Variants in SLC17A5 observed in about 807,000 individuals in gnomAD.
SLC17A5 encodes the protein solute carrier family 17 member 5, also known as sialin.
A neutral mutation model predicts 59.4 loss-of-function variants in SLC17A5; 47 were observed. That is an observed-to-expected ratio of 0.79 (90% CI 0.63 to 1.01). The LOEUF (loss-of-function observed/expected upper bound fraction) is 1.01, where lower values mean the gene tolerates loss of function less well. Among genes scored for constraint, SLC17A5 ranks in the 50% least tolerant of loss-of-function variants. SLC17A5 has a pLI of 0.00. For missense variants in SLC17A5, 522 were observed against 595.5 expected, an observed-to-expected ratio of 0.88 and a Z score of 1.28; for synonymous variants, 202 against 210.7, an observed-to-expected ratio of 0.96 and a Z score of 0.36.
intron 1 of SLC17A5, among the ~76,000 whole-genome samples, chr6:73,651,125 G>T (rs1305468425): frequency 6.6e-6 from 1 of 152,174 alleles, no homozygotes; most frequent in Non-Finnish European, 1.5e-5. Context: ...CATTTGGAAG[G>T]TATGGACATT....
intron 10 of SLC17A5, among the ~76,000 whole-genome samples, chr6:73,595,980 A>T (rs868236269): frequency 8.1e-6 from 1 of 123,956 alleles, no homozygotes; most frequent in Non-Finnish European, 1.7e-5. Flanking sequence ...ATATATATAT[A>T]TTTTTGGTAG....
At chr6:73,649,941 AGTGT>A (rs896864344) in intron 1 of SLC17A5, among the ~76,000 whole-genome samples, 1 of 152,184 alleles carries the variant, frequency 6.6e-6, no homozygotes, top group Non-Finnish European at 1.5e-5. Flanking sequence ...AATCTGCCCT[AGTGT>A]GTAACTTCAT....
chr6:73,642,282 C>A (rs531246147), intron 2 of SLC17A5, among the ~76,000 whole-genome samples: 1 of 152,132 alleles, frequency 6.6e-6, no homozygotes, highest in East Asian at 1.9e-4. Context: ...GCTGCCGCCC[C>A]CCCGGCCCTG....
At position 73,653,920 on chromosome 6, in the gene SLC17A5, G is replaced by T. The variant is rs753337058; in HGVS notation, c.-34C>A. On this transcript the variant is annotated 5_prime_UTR_variant, in exon 1 of 11. Transcript: ENST00000355773. ...CGTGAGCAGGTGTACTCGCCACCTG[G>T]CAGAGAAGGGAGCGCCGGCCCGACA... 2 of 1,551,414 alleles carry T rather than the reference G, an allele frequency of 1.3e-6. No individual in the cohort carries two copies. Among genetic ancestry groups the T allele is most frequent in the Non-Finnish European group, 1.8e-6 (2 of 1,139,342 alleles).
In SLC17A5 at chr6:73,601,196, C is replaced by T. The variant is rs375796780; in HGVS notation, c.1260-755G>A. On this transcript the variant is annotated intron_variant, in intron 9 of 10. Transcript: ENST00000355773. ...TGTGGGGAGCGCCTCTGCCCCGCCG[C>T]CCCGTCTGGGATGTGAGGAGCGCCT... 2.3e-3 allele frequency among the ~76,000 whole-genome samples: 351 copies of T among 149,684 alleles called. 1 individual carries two copies. Among genetic ancestry groups the T allele is most frequent in the African/African-American group, 8.1e-3 (326 of 40,430 alleles).
At chr6:73,636,808 C>T in intron 4 of SLC17A5, 101 bp from the exon 5 acceptor site, 4 of 870,166 alleles carry the variant, frequency 4.6e-6, no homozygotes, top group Middle Eastern at 2.2e-4. Context: ...AGGCTGGGCA[C>T]AGTGGCTCAT....
chr6:73,607,349 A>T (rs188752077), intron 9 of SLC17A5, among the ~76,000 whole-genome samples: 2 of 149,860 alleles, frequency 1.3e-5, no homozygotes, highest in Non-Finnish European at 3.0e-5. Context: ...GCTCACTGCA[A>T]CCTCCACCTC....
At chr6:73,602,563 A>C (rs1471819048) in intron 9 of SLC17A5, among the ~76,000 whole-genome samples, 13 of 152,168 alleles carry the variant, frequency 8.5e-5, no homozygotes, top group Non-Finnish European at 1.8e-4. Context: ...TCACGAGGTC[A>C]GGAGATCGAG....
chr6:73,633,867 G>T (rs899657674), intron 6 of SLC17A5, among the ~76,000 whole-genome samples: 2 of 150,236 alleles, frequency 1.3e-5, no homozygotes, highest in African/African-American at 4.9e-5. Flanking sequence ...GTGAGAGAGC[G>T]AAACTCCGTC....
chr6:73,622,413 T>C (rs1476989663), intron 6 of SLC17A5, among the ~76,000 whole-genome samples: 1 of 152,060 alleles, frequency 6.6e-6, no homozygotes, highest in Non-Finnish European at 1.5e-5. Flanking sequence ...GTGATTCTCC[T>C]GCCTCAGCCT....
At chr6:73,619,218 C>A (rs76459094) in intron 7 of SLC17A5, among the ~76,000 whole-genome samples, 2,192 of 152,224 alleles carry the variant, frequency 0.014, 65 homozygotes, top group African/African-American at 0.05. Context: ...CTTCAAAGAT[C>A]AAGAGCCCTG....
intron 4 of SLC17A5, 119 bp downstream of exon 4, chr6:73,638,293 T>C (rs1474723298): frequency 5.4e-6 from 4 of 734,388 alleles, no homozygotes; most frequent in Middle Eastern, 2.5e-4. Context: ...CGAAACTTAA[T>C]GTTCTCCCCA....
intron 6 of SLC17A5, among the ~76,000 whole-genome samples, chr6:73,634,175 G>A (rs926463084): frequency 6.6e-6 from 1 of 152,054 alleles, no homozygotes; most frequent in Non-Finnish European, 1.5e-5. Flanking sequence ...GTTTTAATAA[G>A]ATATAAACTT....
chr6:73,601,761 C>T (rs1372894912), intron 9 of SLC17A5, among the ~76,000 whole-genome samples: 4 of 138,714 alleles, frequency 2.9e-5, no homozygotes, highest in Admixed American at 1.4e-4. Context: ...GCCGCCCCTA[C>T]TGAGAAGTGA....
intron 10 of SLC17A5, among the ~76,000 whole-genome samples, chr6:73,600,121 G>T (rs1007771942): frequency 1.3e-5 from 2 of 152,070 alleles, no homozygotes; most frequent in Admixed American, 6.6e-5. Context: ...CTACTTGTGT[G>T]GTTTCAGCTA....
chr6:73,648,548 T>C (rs906373045), intron 1 of SLC17A5, among the ~76,000 whole-genome samples: 4 of 152,188 alleles, frequency 2.6e-5, no homozygotes, highest in African/African-American at 4.8e-5. Flanking sequence ...TTCTTAGCTA[T>C]AATATGTAGA....
intron 6 of SLC17A5, among the ~76,000 whole-genome samples, chr6:73,631,845 A>C (rs1012636761): frequency 6.6e-6 from 1 of 151,390 alleles, no homozygotes; most frequent in African/African-American, 2.5e-5. Context: ...TTCATTTTTA[A>C]GTCCTCAGCT....
intron 8 of SLC17A5, among the ~76,000 whole-genome samples, 197 bp from the exon 9 acceptor site, chr6:73,610,744 G>A (rs1362924940): frequency 2.0e-5 from 3 of 151,926 alleles, no homozygotes; most frequent in African/African-American, 7.3e-5. Flanking sequence ...TACTATAAAA[G>A]GAAAATCTCA....
intron 1 of SLC17A5, 68 bp from the exon 2 acceptor site, chr6:73,644,671 C>T: frequency 1.4e-6 from 2 of 1,448,966 alleles, no homozygotes; most frequent in South Asian, 2.5e-5. Context: ...AGGGTTTTGC[C>T]ATGTTGCTTA....
Sources: gnomAD v4.1 joint callset for allele counts (sites outside exome capture counted in the v4.1 genomes callset) on GRCh38, gnomAD v4.1.1 for gene constraint, MANE v1.5 for transcripts, NCBI Gene and HGNC (gene_info 2026-07-23, HGNC 2026-07-21) for gene names.